KCNK2: variants seen among roughly 807,000 people sequenced by gnomAD.
The protein encoded by KCNK2 is potassium two pore domain channel subfamily K member 2.
Under a neutral mutation model 40.5 loss-of-function variants are expected in KCNK2, and 21 were observed. The observed-to-expected ratio is 0.52, with a 90% CI of 0.37 to 0.75. The LOEUF (loss-of-function observed/expected upper bound fraction) is 0.75. Among genes scored for constraint, KCNK2 ranks in the 30% least tolerant of loss-of-function variants. The pLI is 0.00. For missense variants in KCNK2, 399 were observed against 531.6 expected (o/e 0.75, Z 2.45); for synonymous variants, 191 against 202.2 (o/e 0.94, Z 0.47).
chr1:215,145,096 C>T lies in KCNK2; in HGVS notation c.475+20346C>T, dbSNP rs546681816. Among the ~76,000 whole-genome samples, 10 of 152,230 alleles carry T rather than the reference C, an allele frequency of 6.6e-5. No individual in the cohort carries two copies. The East Asian group carries it at 1.9e-3, about 29-fold the overall frequency. ...TATGTTTCAGGAGAGAAAGTGCTAT[C>T]ATCATTAGCATCATCATCATTGCCA... On this transcript the variant is annotated intron_variant, in intron 3 of 6. Transcript: ENST00000444842.
chr1:215,061,635 T>C (rs1204374133), intron 1 of KCNK2, among the ~76,000 whole-genome samples: 1 of 152,150 alleles, frequency 6.6e-6, no homozygotes, highest in African/African-American at 2.4e-5. Context: ...CAAATTGTCT[T>C]GAGAATTGAA....
At chr1:215,155,703 TA>T (rs1379362614) in intron 3 of KCNK2, among the ~76,000 whole-genome samples, 1 of 152,112 alleles carries the variant, frequency 6.6e-6, no homozygotes, top group African/African-American at 2.4e-5. Flanking sequence ...TATTTTTTAG[TA>T]AAGATGGGGT....
intron 1 of KCNK2, among the ~76,000 whole-genome samples, chr1:215,021,425 T>C (rs1348289401): frequency 1.9e-5 from 1 of 51,564 alleles, no homozygotes; most frequent in African/African-American, 4.1e-5. Flanking sequence ...GTAAGGAAGA[T>C]CTGCCCTTAC....
At chr1:215,075,170 CAA>C (rs1658884445) in intron 1 of KCNK2, among the ~76,000 whole-genome samples, 1 of 152,070 alleles carries the variant, frequency 6.6e-6, no homozygotes, top group African/African-American at 2.4e-5. Context: ...TATTATAAAG[CAA>C]AGACCATTGT....
At chr1:215,217,599 G>A (rs1337790171) in intron 6 of KCNK2, among the ~76,000 whole-genome samples, 1 of 152,024 alleles carries the variant, frequency 6.6e-6, no homozygotes, top group African/African-American at 2.4e-5. Flanking sequence ...CTAGATCAGA[G>A]ACTACTTTAG....
intron 1 of KCNK2, among the ~76,000 whole-genome samples, chr1:215,070,218 GGCTAACA>G (rs1437646460): frequency 6.8e-5 from 10 of 147,846 alleles, no homozygotes; most frequent in Non-Finnish European, 1.0e-4. Context: ...TAGGCATCCT[GGCTAACA>G]TGGTGAAACC....
chr1:215,069,519 C>G (rs1658674992), intron 1 of KCNK2, among the ~76,000 whole-genome samples: 1 of 152,168 alleles, frequency 6.6e-6, no homozygotes, highest in African/African-American at 2.4e-5. Context: ...ACCCATCTTC[C>G]TTCCCTCTTT....
chr1:215,146,440 C>A (rs1463054428), intron 3 of KCNK2, among the ~76,000 whole-genome samples: 23 of 152,062 alleles, frequency 1.5e-4, no homozygotes, highest in Non-Finnish European at 1.5e-5. Context: ...AGCAAGGGAG[C>A]CATCTTGTGA....
intron 3 of KCNK2, among the ~76,000 whole-genome samples, chr1:215,160,272 G>A (rs929596864): frequency 5.9e-5 from 9 of 152,290 alleles, no homozygotes; most frequent in African/African-American, 1.9e-4. Flanking sequence ...ATGGCATGAT[G>A]TCTACAGCTT....
chr1:215,198,169 A>T lies in KCNK2; in HGVS notation c.963+3077A>T, dbSNP rs367577244. On this transcript the variant is annotated intron_variant, in intron 6 of 6. Coordinates refer to ENST00000444842, the MANE Select transcript of KCNK2 (RefSeq NM_001017425.3). ...TTTGTTTTTTGTTTTTTCTTACCAC[A>T]CATCTTTTGGCATGTACCTAATATT... Among the ~76,000 whole-genome samples the T allele has an allele frequency of 4.3e-4, 65 of 152,174 alleles. No individual in the cohort carries two copies. The South Asian group carries it at 0.013, about 32-fold the overall frequency.
Position 215,093,847 on chromosome 1 carries a change from T to G in KCNK2, c.357+7169T>G, listed in dbSNP as rs1432177644. On this transcript the variant is annotated intron_variant, in intron 2 of 6. Transcript: ENST00000444842. ...TATTATATATAAAATATATTATATA[T>G]TATATATTATATATAAAAATATATT... Among the ~76,000 whole-genome samples, 45 of 78,364 alleles carry G rather than the reference T, an allele frequency of 5.7e-4. No homozygotes were observed. In the East Asian group the frequency reaches 0.011, roughly 19 times the overall value. 51.4% of individuals were successfully genotyped at this position (78,364 alleles called of 152,430 possible). A position where few individuals can be genotyped will look rare whatever the true frequency, so the allele number is the denominator to read the frequency against.
At chr1:215,027,635 A>G (rs1371200391) in intron 1 of KCNK2, among the ~76,000 whole-genome samples, 1 of 152,206 alleles carries the variant, frequency 6.6e-6, no homozygotes, top group Non-Finnish European at 1.5e-5. Context: ...TTAATATTCT[A>G]TTTAAAATAT....
At chr1:215,043,821 A>C (rs946395214) in intron 1 of KCNK2, among the ~76,000 whole-genome samples, 2 of 152,222 alleles carry the variant, frequency 1.3e-5, no homozygotes, top group Non-Finnish European at 2.9e-5. Flanking sequence ...TTTTACCACA[A>C]TAAGAAGTCT....
intron 2 of KCNK2, among the ~76,000 whole-genome samples, chr1:215,102,708 C>T (rs1194685938): frequency 1.0e-5 from 1 of 98,958 alleles, no homozygotes; most frequent in Non-Finnish European, 2.8e-5. Flanking sequence ...ACCAGGTACA[C>T]TATTTTTTTT....
At chr1:215,036,926 G>A (rs1017097340) in intron 1 of KCNK2, among the ~76,000 whole-genome samples, 22 of 149,718 alleles carry the variant, frequency 1.5e-4, no homozygotes, top group African/African-American at 5.1e-4. Flanking sequence ...CTTTGTAGAT[G>A]CTTTAGAATT....
Position 215,005,874 on chromosome 1 carries a change from G to A in KCNK2, c.-48G>A, listed in dbSNP as rs78980985. On this transcript the variant is annotated 5_prime_UTR_variant, in exon 1 of 7. Transcript: ENST00000391895. ...GGACAAGAAACCTTGGAGGAAGAAC[G>A]GCATTAAAGATCAAAAGCATGATGA... The A allele has an allele frequency of 1.4e-3, 2,169 of 1,570,914 alleles. 28 individuals carry two copies. The African/African-American group carries it at 0.025, about 18-fold the overall frequency.
At chr1:215,114,823 G>C (rs1288426610) in intron 2 of KCNK2, among the ~76,000 whole-genome samples, 1 of 152,150 alleles carries the variant, frequency 6.6e-6, no homozygotes, top group Non-Finnish European at 1.5e-5. Context: ...TAATGGCAAT[G>C]AGTCAACTCA....
intron 6 of KCNK2, among the ~76,000 whole-genome samples, chr1:215,210,989 TAC>T (rs1215404201): frequency 3.3e-5 from 5 of 152,176 alleles, no homozygotes; most frequent in Non-Finnish European, 7.3e-5. Context: ...TCTAGATTAT[TAC>T]AGAGACCTCC....
chr1:215,040,210 G>C (rs564902608), intron 1 of KCNK2, among the ~76,000 whole-genome samples: 1 of 152,060 alleles, frequency 6.6e-6, no homozygotes. Flanking sequence ...ACCCATCTCT[G>C]CTTTATACCC....
Sources: allele counts gnomAD v4.1 joint callset (sites outside exome capture counted in the v4.1 genomes callset), GRCh38; gene constraint gnomAD v4.1.1; transcripts MANE v1.5; gene names NCBI Gene and HGNC (gene_info 2026-07-23, HGNC 2026-07-21).